APAF1: variants seen among roughly 807,000 people sequenced by gnomAD.
APAF1 encodes apoptotic peptidase activating factor 1.
In APAF1, 91 loss-of-function variants were observed where a neutral mutation model predicts 152.4. That is an observed-to-expected ratio of 0.60 (90% CI 0.50 to 0.71). APAF1 has a LOEUF of 0.71. Among genes scored for constraint, APAF1 ranks in the 30% least tolerant of loss-of-function variants. The pLI is 0.00. For missense variants in APAF1, 1,283 were observed against 1,472.0 expected, an observed-to-expected ratio of 0.87 and a Z score of 2.10; for synonymous variants, 484 against 494.1, an observed-to-expected ratio of 0.98 and a Z score of 0.27.
intron 16 of APAF1, among the ~76,000 whole-genome samples, chr12:98,688,114 C>G (rs1177156805): frequency 6.6e-6 from 1 of 152,094 alleles, no homozygotes; most frequent in Admixed American, 6.5e-5. Context: ...AGGAAAAATG[C>G]AAGAGTTAGG....
intron 7 of APAF1, among the ~76,000 whole-genome samples, chr12:98,664,078 G>C (rs1301948386): frequency 6.6e-6 from 1 of 151,478 alleles, no homozygotes; most frequent in Non-Finnish European, 1.5e-5. Context: ...GGAGTGCAGT[G>C]GTGCGACCTC....
At chr12:98,713,391 T>C (rs1055155665) in intron 21 of APAF1, among the ~76,000 whole-genome samples, 1 of 152,216 alleles carries the variant, frequency 6.6e-6, no homozygotes, top group Non-Finnish European at 1.5e-5. Context: ...GGGTATAAGT[T>C]GTTTCCATTT....
intron 9 of APAF1, among the ~76,000 whole-genome samples, chr12:98,667,112 ATT>A (rs775551448): frequency 2.1e-5 from 3 of 142,316 alleles, no homozygotes. Flanking sequence ...ATATATATGT[ATT>A]TTTTTTTTTT....
chr12:98,649,784 A>G (rs2153304631), intron 4 of APAF1, 100 bp downstream of exon 4: 1 of 1,138,164 alleles, frequency 8.8e-7, no homozygotes, highest in Non-Finnish European at 1.3e-6. Flanking sequence ...AGAAACAAGT[A>G]TAAGGTACAG....
At chr12:98,682,844 C>A (rs1257285569) in intron 14 of APAF1, among the ~76,000 whole-genome samples, 1 of 152,188 alleles carries the variant, frequency 6.6e-6, no homozygotes, top group Non-Finnish European at 1.5e-5. Context: ...ACTTCTCTGC[C>A]TGCTTTCATT....
intron 15 of APAF1, among the ~76,000 whole-genome samples, chr12:98,684,718 A>G (rs996200164): frequency 6.6e-6 from 1 of 152,226 alleles, no homozygotes; most frequent in Non-Finnish European, 1.5e-5. Flanking sequence ...ACTTGGCCCT[A>G]TTTGAATAAA....
chr12:98,706,439 A>G lies in APAF1; in HGVS notation c.2596-46A>G, dbSNP rs558854990. 3.8e-5 allele frequency: 61 copies of G among 1,611,674 alleles called. No homozygotes were observed. The South Asian group carries it at 6.2e-4, about 16-fold the overall frequency. ...ATTTTCAATATTTTTGCTCTCTTCA[A>G]AATGCTTATGTATGTGATTTCCTAT... On this transcript the variant is annotated intron_variant, in intron 18 of 26. Coordinates refer to ENST00000551964, the MANE Select transcript of APAF1 (RefSeq NM_181861.2).
chr12:98,708,792 C>A, intron 20 of APAF1, 88 bp downstream of exon 20: 1 of 1,386,730 alleles, frequency 7.2e-7, no homozygotes, highest in Non-Finnish European at 1.0e-6. Context: ...TGAGATTAAG[C>A]ATAATTATTT....
intron 14 of APAF1, 127 bp from the exon 15 acceptor site, chr12:98,683,016 G>A (rs2097694085): frequency 1.3e-6 from 1 of 771,868 alleles, no homozygotes; most frequent in African/African-American, 1.7e-5. Flanking sequence ...TTAGCATCTT[G>A]TCCAACTAGG....
chr12:98,727,968 AT>A (rs1158146100), intron 26 of APAF1, among the ~76,000 whole-genome samples: 2,701 of 140,942 alleles, frequency 0.019, 75 homozygotes, highest in African/African-American at 0.071. Flanking sequence ...AAATAAATAA[AT>A]TAATTAATTA....
chr12:98,703,527 C>G, intron 18 of APAF1, 28 bp downstream of exon 18: 3 of 1,613,760 alleles, frequency 1.9e-6, no homozygotes, highest in Non-Finnish European at 2.5e-6. Context: ...TTCTGTGAAG[C>G]CTGGGTTTCC....
chr12:98,691,795 A>G (rs2097704499), intron 16 of APAF1, among the ~76,000 whole-genome samples: 1 of 151,712 alleles, frequency 6.6e-6, no homozygotes, highest in South Asian at 2.1e-4. Context: ...TAGCTCTCTG[A>G]TCCCTTCATT....
intron 20 of APAF1, 143 bp downstream of exon 20, chr12:98,708,847 A>G (rs1008528194): frequency 1.6e-4 from 119 of 765,374 alleles, no homozygotes; most frequent in Non-Finnish European, 1.1e-4. Flanking sequence ...ATAAATATAT[A>G]TAAGTCTTGA....
chr12:98,669,256 G>T (rs937393289), intron 10 of APAF1, among the ~76,000 whole-genome samples: 2 of 152,030 alleles, frequency 1.3e-5, no homozygotes, highest in African/African-American at 2.4e-5. Flanking sequence ...GGCAAATTCC[G>T]AGAAGTAGAA....
At chr12:98,701,712 C>G (rs923615440) in intron 17 of APAF1, among the ~76,000 whole-genome samples, 127 of 152,278 alleles carry the variant, frequency 8.3e-4, no homozygotes, top group African/African-American at 3.0e-3. Flanking sequence ...ACAGCAGTTC[C>G]CTGTTTTACC....
chr12:98,729,513 C>T (rs1351304140), intron 26 of APAF1, among the ~76,000 whole-genome samples: 3 of 152,222 alleles, frequency 2.0e-5, no homozygotes, highest in Non-Finnish European at 4.4e-5. Context: ...ACCAGCCGCT[C>T]ACCTTCTGCT....
chr12:98,706,377 A>C (rs1247492561), intron 18 of APAF1, 108 bp from the exon 19 acceptor site: 2 of 1,051,608 alleles, frequency 1.9e-6, no homozygotes, highest in East Asian at 4.7e-5. Context: ...TTTCTGAGCA[A>C]TATTCATTGA....
Position 98,725,537 on chromosome 12 carries a change from C to G in APAF1, c.3453C>G (p.Ile1151Met). Residue 1151 changes from isoleucine to methionine, a missense_variant, in exon 25 of 27, where the codon ATC becomes ATG. Ile to Met is a conservative substitution (Grantham distance 10). Transcript: ENST00000551964. ...LLATGDDNGE[I>M]RIWNVSNGEL... ...CAACGGGAGATGACAATGGAGAAAT[C>G]AGGGTAGGCTGTTTGCTGACATGAG... The G allele has an allele frequency of 6.2e-7, 1 of 1,614,082 alleles. No individual in the cohort carries two copies. The highest frequency in any genetic ancestry group is 8.5e-7 in the Non-Finnish European group (1 of 1,179,974).
chr12:98,649,575 G>T lies in APAF1; in HGVS notation c.417G>T (p.Lys139Asn). ...AGCTGGTGAATGCAATTCAGCAGAA[G>T]CTCTCCAAATTGAAAGGTGAACCAG... The part of the protein sequence containing the change: ...RKKLVNAIQQ[K>N]LSKLKGEPGW... The change falls in exon 4 of 27, where the codon AAG becomes AAT. Residue 139 changes from lysine to asparagine, a missense_variant. Lys to Asn is a moderately conservative substitution (Grantham distance 94). Coordinates refer to ENST00000551964, the MANE Select transcript of APAF1 (RefSeq NM_181861.2). 1 of 1,614,196 alleles carries T rather than the reference G, an allele frequency of 6.2e-7. No homozygotes were observed. The highest frequency in any genetic ancestry group is 8.5e-7 in the Non-Finnish European group (1 of 1,180,022).
Sources: allele counts gnomAD v4.1 joint callset (sites outside exome capture counted in the v4.1 genomes callset), GRCh38; gene constraint gnomAD v4.1.1; transcripts MANE v1.5; gene names NCBI Gene and HGNC (gene_info 2026-07-23, HGNC 2026-07-21).